The following HMGXB4 variants were observed in gnomAD, a reference collection of about 807,000 sequenced individuals.
HMGXB4 encodes the protein HMG domain-containing protein 4.
In HMGXB4, 27 loss-of-function variants were observed where a neutral mutation model predicts 63.9. That is an observed-to-expected ratio of 0.42 (90% CI 0.31 to 0.58). The LOEUF is 0.58. HMGXB4 is among the 20% of genes least tolerant of loss of function. HMGXB4 has a pLI of 0.13. For missense variants in HMGXB4, 624 were observed against 700.7 expected, an observed-to-expected ratio of 0.89 and a Z score of 1.24; for synonymous variants, 264 against 265.3, an observed-to-expected ratio of 0.99 and a Z score of 0.05.
chr22:35,262,505 G>A (rs888721858), intron 2 of HMGXB4, 84 bp downstream of exon 2: 31 of 1,352,456 alleles, frequency 2.3e-5, no homozygotes, highest in Non-Finnish European at 3.2e-5. Context: ...ACCAGGACTG[G>A]GCACCACAGC....
chr22:35,286,592 G>A lies in HMGXB4; in HGVS notation c.1362+531G>A, dbSNP rs370899828. 2.6e-5 allele frequency among the ~76,000 whole-genome samples: 4 copies of A among 152,320 alleles called. No individual in the cohort carries two copies. The East Asian group carries it at 7.7e-4, about 29-fold the overall frequency. ...GGGCTGGGCACGGTGGCTCACGCCT[G>A]TAGTTCCAGCACTTTGGGAGGCTGA... On this transcript the variant is annotated intron_variant, in intron 7 of 10. Transcript: ENST00000216106.
chr22:35,241,649 A>T, the HMGXB4 span, among the ~76,000 whole-genome samples: 8 of 151,978 alleles, frequency 5.3e-5, no homozygotes, highest in African/African-American at 1.4e-4. Context: ...CTCTAACTTG[A>T]CTCAGCTCCA....
intron 5 of HMGXB4, among the ~76,000 whole-genome samples, chr22:35,283,499 T>G (rs1478832705): frequency 6.6e-6 from 1 of 152,202 alleles, no homozygotes; most frequent in Non-Finnish European, 1.5e-5. Context: ...ATTAAAAATG[T>G]ATTTTCCTGG....
intron 5 of HMGXB4, 98 bp from the exon 6 acceptor site, chr22:35,283,864 A>C (rs1046454418): frequency 2.5e-6 from 2 of 806,230 alleles, no homozygotes; most frequent in Non-Finnish European, 4.3e-6. Flanking sequence ...TTGATGAAAA[A>C]GTTTAGGTAT....
chr22:35,258,682 G>C (rs1922629395), intron 1 of HMGXB4: 1 of 152,320 alleles, frequency 6.6e-6, no homozygotes, highest in Non-Finnish European at 1.5e-5. Flanking sequence ...ACGAAGTTGA[G>C]AAGGCATCAC....
chr22:35,276,466 C>G (rs1923920112), intron 5 of HMGXB4, among the ~76,000 whole-genome samples: 1 of 152,200 alleles, frequency 6.6e-6, no homozygotes, highest in African/African-American at 2.4e-5. Flanking sequence ...ATTTATATCT[C>G]CTGTCCCACT....
intron 9 of HMGXB4, among the ~76,000 whole-genome samples, chr22:35,289,752 C>T (rs1403727675): frequency 6.6e-6 from 1 of 152,194 alleles, no homozygotes; most frequent in Non-Finnish European, 1.5e-5. Flanking sequence ...ATCACTTAAC[C>T]TGCACAGCTG....
chr22:35,294,589 A>C lies in HMGXB4; in HGVS notation c.*938A>C, dbSNP rs945405254. 6.6e-6 allele frequency: 1 copy of C among 152,636 alleles called. No homozygotes were observed. Among genetic ancestry groups the C allele is most frequent in the Non-Finnish European group, 1.5e-5 (1 of 68,036 alleles). 9.5% of individuals were successfully genotyped at this position (152,636 alleles called of 1,614,324 possible). A position where few individuals can be genotyped will look rare whatever the true frequency, so the allele number is the denominator to read the frequency against. On this transcript the variant is annotated 3_prime_UTR_variant, in exon 11 of 11. Transcript: ENST00000216106. ...GTGTTCTGCATTCCACATGTAAGTG[A>C]ATTGCAAAAACAAAACAAAACTCAC...
At chr22:35,289,195 A>T (rs946553983) in intron 9 of HMGXB4, among the ~76,000 whole-genome samples, 2 of 152,138 alleles carry the variant, frequency 1.3e-5, no homozygotes, top group African/African-American at 4.8e-5. Context: ...ACGGTGGCCC[A>T]TGTCTGTAAT....
chr22:35,283,117 T>A (rs1193739868), intron 5 of HMGXB4, among the ~76,000 whole-genome samples: 1 of 152,268 alleles, frequency 6.6e-6, no homozygotes, highest in Non-Finnish European at 1.5e-5. Flanking sequence ...TTCAGTTATT[T>A]GTTCACTTCT....
chr22:35,266,779 T>G (rs1190038469), intron 5 of HMGXB4, among the ~76,000 whole-genome samples: 1 of 152,100 alleles, frequency 6.6e-6, no homozygotes, highest in Non-Finnish European at 1.5e-5. Context: ...GCCCAAGAGT[T>G]CGGGACCGGC....
the HMGXB4 span, among the ~76,000 whole-genome samples, chr22:35,251,010 A>G: frequency 6.6e-6 from 1 of 151,972 alleles, no homozygotes; most frequent in Non-Finnish European, 1.5e-5. Context: ...CTTTCCTGCT[A>G]CAGACAATGG....
rs780515673 is a variant in HMGXB4 at position 35,264,644 on chromosome 22, C to T, written c.260-4C>T. Reference sequence around the variant, plus strand: ...TTGACAGTACTTCTCTTGATTATTTCTAGATATTTCGTCTTTGGAATCGTC... The same window carrying T: ...TTGACAGTACTTCTCTTGATTATTTTTAGATATTTCGTCTTTGGAATCGTC... On this transcript the variant is annotated splice_polypyrimidine_tract_variant and splice_region_variant and intron_variant, in intron 4 of 10. Coordinates refer to ENST00000216106, the MANE Select transcript of HMGXB4 (RefSeq NM_001003681.3). 2 of 1,551,408 alleles carry T rather than the reference C, an allele frequency of 1.3e-6. No individual in the cohort carries two copies. Among genetic ancestry groups the T allele is most frequent in the Non-Finnish European group, 1.7e-6 (2 of 1,151,396 alleles).
At chr22:35,262,138 C>G (rs1296356802) in intron 1 of HMGXB4, 185 bp from the exon 2 acceptor site, 2 of 472,730 alleles carry the variant, frequency 4.2e-6, no homozygotes, top group Non-Finnish European at 7.6e-6. Context: ...TCTAATTAAG[C>G]CTAGTATACT....
At position 35,295,282 on chromosome 22, in the gene HMGXB4, C is replaced by CT. The variant is rs1432255721; in HGVS notation, c.*1634dup. The stretch of plus-strand genomic sequence containing the variant: ...TAAAGGTAGTCTGGCTGCTGAATCC[C>CT]TTTCTCAGCTCAGAGCAGTTTTAAG... On this transcript the variant is annotated 3_prime_UTR_variant, in exon 11 of 11. Transcript: ENST00000216106. 6.6e-6 allele frequency: 1 copy of CT among 152,262 alleles called. No homozygotes were observed. Among genetic ancestry groups the CT allele is most frequent in the Non-Finnish European group, 1.5e-5 (1 of 68,052 alleles). 9.4% of individuals were successfully genotyped at this position (152,262 alleles called of 1,614,324 possible).
chr22:35,264,408 A>T (rs576541507), intron 4 of HMGXB4, among the ~76,000 whole-genome samples: 1 of 152,238 alleles, frequency 6.6e-6, no homozygotes, highest in South Asian at 2.1e-4. Context: ...GCTTCTGAAG[A>T]CTCAATGAAG....
intron 5 of HMGXB4, among the ~76,000 whole-genome samples, chr22:35,276,410 A>G (rs1923916489): frequency 6.6e-6 from 1 of 152,224 alleles, no homozygotes; most frequent in South Asian, 2.1e-4. Context: ...TTGTGTAACG[A>G]GTTGCCCACA....
At chr22:35,248,401 CTTTTTTTT>C in the HMGXB4 span, among the ~76,000 whole-genome samples, 1 of 102,964 alleles carries the variant, frequency 9.7e-6, no homozygotes, top group African/African-American at 3.7e-5. Context: ...GAGGTCGGGA[CTTTTTTTT>C]TTTTTTTTTT....
chr22:35,270,787 T>C (rs574272268), intron 5 of HMGXB4, among the ~76,000 whole-genome samples: 3 of 152,364 alleles, frequency 2.0e-5, no homozygotes, highest in African/African-American at 7.2e-5. Context: ...ATATCTTTGA[T>C]TGTGGCTGTC....
Sources: allele counts gnomAD v4.1 joint callset (sites outside exome capture counted in the v4.1 genomes callset), GRCh38; gene constraint gnomAD v4.1.1; transcripts MANE v1.5; gene names NCBI Gene and HGNC (gene_info 2026-07-23, HGNC 2026-07-21).